The following ZNF654 variants were observed in gnomAD, a reference collection of about 807,000 sequenced individuals.
ZNF654 encodes zinc finger protein 654.
A neutral mutation model predicts 95.3 loss-of-function variants in ZNF654; 19 were observed. The observed-to-expected ratio is 0.20, with a 90% CI of 0.14 to 0.29. The LOEUF is 0.29. Among genes scored for constraint, ZNF654 ranks in the 10% least tolerant of loss-of-function variants. The pLI, the probability that ZNF654 is intolerant of heterozygous loss-of-function variation, is 1.00. For synonymous variants in ZNF654, 413 were observed against 457.9 expected, an observed-to-expected ratio of 0.90 and a Z score of 1.25; for missense variants, 1,046 against 1,341.0, an observed-to-expected ratio of 0.78 and a Z score of 3.44.
At chr3:88,078,426 C>A (rs1441886858) in intron 1 of ZNF654, among the ~76,000 whole-genome samples, 1 of 152,066 alleles carries the variant, frequency 6.6e-6, no homozygotes, top group African/African-American at 2.4e-5. Context: ...AAGTTTAAAT[C>A]TCATCCCAGG....
At chr3:88,076,219 C>T (rs893717828) in intron 1 of ZNF654, among the ~76,000 whole-genome samples, 1 of 152,158 alleles carries the variant, frequency 6.6e-6, no homozygotes, top group African/African-American at 2.4e-5. Flanking sequence ...AGACTTTCTG[C>T]CTTTTAAAAA....
At chr3:88,130,052 A>T (rs529894541) in intron 6 of ZNF654, among the ~76,000 whole-genome samples, 5 of 152,346 alleles carry the variant, frequency 3.3e-5, no homozygotes, top group Admixed American at 2.0e-4. Context: ...TGCTATAATG[A>T]AACAGTGGTT....
chr3:88,135,101 A>G lies in ZNF654; in HGVS notation c.934A>G (p.Asn312Asp). 1 of 1,478,010 alleles carries G rather than the reference A, an allele frequency of 6.8e-7. No homozygotes were observed. Among genetic ancestry groups the G allele is most frequent in the South Asian group, 1.4e-5 (1 of 72,638 alleles). The allele number at this position is 1,478,010 out of a possible 1,614,324, so 91.6% of individuals were successfully genotyped here. A position where few individuals can be genotyped will look rare whatever the true frequency, so the allele number is the denominator to read the frequency against. Residue 312 changes from asparagine (N) to aspartate (D), a missense_variant, in exon 7 of 9, where the codon AAT (asparagine) becomes GAT (aspartate). Coordinates refer to ENST00000636215, the MANE Select transcript of ZNF654 (RefSeq NM_001350134.2). ...ATGGAGTAAACTACAGCTTAAATCT[A>G]ATCCTTCAAAACAAGTTTTTGTAGA... ...FIWSKLQLKS[N>D]PSKQVFVDQC...
At chr3:88,105,780 A>G (rs964091921) in intron 2 of ZNF654, among the ~76,000 whole-genome samples, 1 of 152,138 alleles carries the variant, frequency 6.6e-6, no homozygotes, top group Non-Finnish European at 1.5e-5. Flanking sequence ...TGAAGTTTGA[A>G]TATCTTTTTT....
At chr3:88,080,447 T>C (rs1708020539) in intron 1 of ZNF654, among the ~76,000 whole-genome samples, 1 of 152,140 alleles carries the variant, frequency 6.6e-6, no homozygotes, top group Non-Finnish European at 1.5e-5. Flanking sequence ...ATCCTATATT[T>C]TAATATATGT....
In ZNF654 at chr3:88,142,746, CTCTGG is replaced by C. The variant is rs762852452; in HGVS notation, c.*1099_*1103del. 3 of 152,278 alleles carry C rather than the reference CTCTGG, an allele frequency of 2.0e-5. No homozygotes were observed. In the East Asian group the frequency reaches 5.8e-4, roughly 29 times the overall value. 9.4% of individuals were successfully genotyped at this position (152,278 alleles called of 1,614,324 possible). A position where few individuals can be genotyped will look rare whatever the true frequency, so the allele number is the denominator to read the frequency against. On this transcript the variant is annotated 3_prime_UTR_variant, in exon 9 of 9. Coordinates refer to ENST00000636215, the MANE Select transcript of ZNF654 (RefSeq NM_001350134.2). ...TGTTTTTTTAATTCATTAGTGATGA[CTCTGG>C]TCTGAACAGTAATTTTTATATGTAA...
chr3:88,078,523 A>G (rs935468359), intron 1 of ZNF654, among the ~76,000 whole-genome samples: 7 of 152,168 alleles, frequency 4.6e-5, no homozygotes, highest in African/African-American at 1.7e-4. Flanking sequence ...AGATAGGGGC[A>G]AATATTCTGT....
At chr3:88,076,663 A>T (rs1707819778) in intron 1 of ZNF654, among the ~76,000 whole-genome samples, 1 of 152,090 alleles carries the variant, frequency 6.6e-6, no homozygotes, top group African/African-American at 2.4e-5. Flanking sequence ...TGTTATTTTA[A>T]TTTGATCTTC....
chr3:88,140,915 C>G lies in ZNF654; in HGVS notation c.3246C>G (p.Asn1082Lys), dbSNP rs551870040. ...DRVDACSDQD[N>K]VYKKSVKRLR... ...TAGATGCCTGTTCTGATCAAGATAA[C>G]GTGTATAAAAAATCAGTGAAAAGAT... The change falls in exon 8 of 9, where the codon AAC becomes AAG. Residue 1082 changes from asparagine (N) to lysine (K), a missense_variant. Around this residue, in one of 9 missense-constraint regions of ZNF654, gnomAD observed 59 missense variants for 73.0 expected, o/e 0.81. Coordinates refer to ENST00000636215, the MANE Select transcript of ZNF654 (RefSeq NM_001350134.2). The G allele has an allele frequency of 6.2e-7, 1 of 1,613,454 alleles. No homozygotes were observed. Among genetic ancestry groups the G allele is most frequent in the Non-Finnish European group, 8.5e-7 (1 of 1,179,594 alleles).
intron 6 of ZNF654, 126 bp downstream of exon 6, chr3:88,129,952 CAAGGA>C: frequency 1.2e-5 from 10 of 817,610 alleles, no homozygotes; most frequent in Non-Finnish European, 1.7e-5. Context: ...ATTGATTGTG[CAAGGA>C]ACAATAGTAG....
At chr3:88,131,835 G>A (rs185045380) in intron 6 of ZNF654, among the ~76,000 whole-genome samples, 52 of 152,044 alleles carry the variant, frequency 3.4e-4, no homozygotes, top group Non-Finnish European at 2.2e-4. Context: ...GTAATTTGAT[G>A]AGCAGGATTT....
intron 1 of ZNF654, among the ~76,000 whole-genome samples, chr3:88,085,517 A>C (rs988405849): frequency 2.0e-5 from 3 of 152,222 alleles, no homozygotes; most frequent in African/African-American, 7.2e-5. Context: ...GGCAGGCAGT[A>C]GTTTTAGATG....
Position 88,059,258 on chromosome 3 carries a change from C to A in ZNF654, c.-62C>A. 1 of 1,530,894 alleles carries A rather than the reference C, an allele frequency of 6.5e-7. No homozygotes were observed. Among genetic ancestry groups the A allele is most frequent in the Non-Finnish European group, 8.7e-7 (1 of 1,145,322 alleles). The allele number at this position is 1,530,894 out of a possible 1,614,324, so 94.8% of individuals were successfully genotyped here. A position where few individuals can be genotyped will look rare whatever the true frequency, so the allele number is the denominator to read the frequency against. ...AACTAGAGAGGAGGAGGAGGTTAGC[C>A]TAGGCATCTACGGCGGCGGCGGCGG... On this transcript the variant is annotated 5_prime_UTR_variant, in exon 1 of 9. Coordinates refer to ENST00000636215, the MANE Select transcript of ZNF654 (RefSeq NM_001350134.2).
At chr3:88,062,925 G>A (rs1215626873) in intron 1 of ZNF654, among the ~76,000 whole-genome samples, 1 of 152,174 alleles carries the variant, frequency 6.6e-6, no homozygotes, top group African/African-American at 2.4e-5. Context: ...TAATCTGTAG[G>A]TAGCTTATAA....
intron 5 of ZNF654, among the ~76,000 whole-genome samples, chr3:88,129,321 TAAAAAAAAAAA>T (rs11370327): frequency 2.6e-5 from 2 of 76,948 alleles, no homozygotes; most frequent in South Asian, 5.3e-4. Context: ...TTGCCAGGAG[TAAAAAAAAAAA>T]AAAAAAAAAA....
Position 88,143,489 on chromosome 3 carries a change from A to T in ZNF654, c.*1837A>T, listed in dbSNP as rs1156976431. Reference sequence around the variant, plus strand: ...TCATTCTAAAAGTATGTCTTGTAATAAAAAGTCTGTTTGGAAACTGGTTCA... The same window carrying T: ...TCATTCTAAAAGTATGTCTTGTAATTAAAAGTCTGTTTGGAAACTGGTTCA... On this transcript the variant is annotated 3_prime_UTR_variant, in exon 9 of 9. Coordinates refer to ENST00000636215, the MANE Select transcript of ZNF654 (RefSeq NM_001350134.2). The T allele has an allele frequency of 2.6e-5, 4 of 152,312 alleles. No homozygotes were observed. The highest frequency in any genetic ancestry group is 5.9e-5 in the Non-Finnish European group (4 of 67,774). The allele number at this position is 152,312 out of a possible 1,614,324, so 9.4% of individuals were successfully genotyped here.
intron 3 of ZNF654, among the ~76,000 whole-genome samples, chr3:88,125,510 TA>T (rs11344619): frequency 0.78 from 119,107 of 152,048 alleles, 47,579 homozygotes; most frequent in South Asian, 0.91. Flanking sequence ...ATCTTAAATC[TA>T]AAGCAAAGTA....
rs78670676 is a variant in ZNF654, at chr3:88,083,941, T to TTATATATATATATATA, written c.187-2305_187-2290dup. On this transcript the variant is annotated intron_variant, in intron 1 of 8. Coordinates refer to ENST00000636215, the MANE Select transcript of ZNF654 (RefSeq NM_001350134.2). Reference sequence around the variant, plus strand: ...AATAGGACAATGTAATGTACTTATTTTATATATATATATATATATATATAT... The same window carrying TTATATATATATATATA: ...AATAGGACAATGTAATGTACTTATTTTATATATATATATATATATATATATATATATATATATATAT... 5.5e-3 allele frequency among the ~76,000 whole-genome samples: 816 copies of TTATATATATATATATA among 147,600 alleles called. 2 individuals carry two copies. Among genetic ancestry groups the TTATATATATATATATA allele is most frequent in the African/African-American group, 7.1e-3 (284 of 40,092 alleles).
intron 3 of ZNF654, among the ~76,000 whole-genome samples, chr3:88,116,511 C>G (rs929513823): frequency 6.7e-6 from 1 of 149,238 alleles, no homozygotes; most frequent in African/African-American, 2.5e-5. Context: ...GCAACAAGAG[C>G]GAAACTCTGT....
Sources: allele counts gnomAD v4.1 joint callset (sites outside exome capture counted in the v4.1 genomes callset), GRCh38; gene constraint gnomAD v4.1.1; regional missense constraint gnomAD v4.1.1; transcripts MANE v1.5; gene names NCBI Gene and HGNC (gene_info 2026-07-23, HGNC 2026-07-21).